Variants in SLC4A7 observed in about 807,000 individuals in gnomAD.
The protein encoded by SLC4A7 is sodium bicarbonate cotransporter 3.
Under a neutral mutation model 137.6 loss-of-function variants are expected in SLC4A7, and 51 were observed. That is an observed-to-expected ratio of 0.37 (90% CI 0.30 to 0.47). The LOEUF is 0.47. SLC4A7 is among the 20% of genes least tolerant of loss of function. SLC4A7 has a pLI of 1.00. For missense variants in SLC4A7, 1,247 were observed against 1,525.4 expected (o/e 0.82, Z 3.04); for synonymous variants, 542 against 518.6 (o/e 1.05, Z -0.61).
At chr3:27,448,518 C>T (rs550976396) in intron 3 of SLC4A7, 133 bp downstream of exon 3, 10 of 610,766 alleles carry the variant, frequency 1.6e-5, no homozygotes, top group East Asian at 1.5e-4. Flanking sequence ...TTCCCCAATA[C>T]AATACATTCC....
rs1157289545 is a variant in SLC4A7, at chr3:27,376,540, GAATA to G, written c.*220_*223del. 3 of 310,414 alleles carry G rather than the reference GAATA, an allele frequency of 9.7e-6. No homozygotes were observed. The highest frequency in any genetic ancestry group is 1.8e-5 in the Non-Finnish European group (3 of 170,922). The allele number at this position is 310,414 out of a possible 1,614,324, so 19.2% of individuals were successfully genotyped here. A position where few individuals can be genotyped will look rare whatever the true frequency, so the allele number is the denominator to read the frequency against. On this transcript the variant is annotated 3_prime_UTR_variant, in exon 26 of 26. Coordinates refer to ENST00000454389, the MANE Select transcript of SLC4A7 (RefSeq NM_001321103.2). ...AAACAGAAAATTTTTTTTTCTAACA[GAATA>G]AATATTTGAATAGTTAAGAACCATG...
At chr3:27,479,165 A>C (rs937745293) in intron 1 of SLC4A7, among the ~76,000 whole-genome samples, 1 of 152,232 alleles carries the variant, frequency 6.6e-6, no homozygotes, top group Non-Finnish European at 1.5e-5. Context: ...CTGTAATCCC[A>C]GCACTTTGGG....
chr3:27,419,960 G>A (rs527884030), intron 10 of SLC4A7, among the ~76,000 whole-genome samples: 6 of 151,968 alleles, frequency 3.9e-5, no homozygotes, highest in East Asian at 3.9e-4. Context: ...AGGCCGAGGC[G>A]GGCAGATCAC....
At chr3:27,417,433 T>C (rs2054502841) in intron 11 of SLC4A7, among the ~76,000 whole-genome samples, 1 of 152,150 alleles carries the variant, frequency 6.6e-6, no homozygotes, top group African/African-American at 2.4e-5. Context: ...ATATTCAACC[T>C]CACTAATTAT....
At chr3:27,480,233 C>T (rs977877345) in intron 1 of SLC4A7, among the ~76,000 whole-genome samples, 6 of 152,136 alleles carry the variant, frequency 3.9e-5, no homozygotes, top group African/African-American at 1.4e-4. Context: ...TGTCCTACAG[C>T]TTTGTTTCAT....
At chr3:27,419,512 T>C (rs1238404423) in intron 10 of SLC4A7, among the ~76,000 whole-genome samples, 1 of 151,258 alleles carries the variant, frequency 6.6e-6, no homozygotes, top group Non-Finnish European at 1.5e-5. Context: ...ATTTTTGTAT[T>C]TTTAGTAGAG....
At chr3:27,395,655 C>T (rs1056958390) in intron 18 of SLC4A7, among the ~76,000 whole-genome samples, 14 of 152,126 alleles carry the variant, frequency 9.2e-5, no homozygotes, top group African/African-American at 3.4e-4. Flanking sequence ...CATATTGCCC[C>T]CATTGATGAC....
chr3:27,443,631 T>C (rs950535061), intron 3 of SLC4A7, among the ~76,000 whole-genome samples: 1 of 152,182 alleles, frequency 6.6e-6, no homozygotes, highest in African/African-American at 2.4e-5. Context: ...TCTGTTCTAA[T>C]ATAAGGATTA....
Position 27,376,683 on chromosome 3 carries a change from C to T in SLC4A7, c.*81G>A. On this transcript the variant is annotated 3_prime_UTR_variant, in exon 26 of 26. Transcript: ENST00000454389. The stretch of plus-strand genomic sequence containing the variant: ...AGTCACACATAAACAGCATGACATA[C>T]AATATTCTTATATATAGTGACATGA... 2 of 864,256 alleles carry T rather than the reference C, an allele frequency of 2.3e-6. No homozygotes were observed. Among genetic ancestry groups the T allele is most frequent in the Non-Finnish European group, 3.7e-6 (2 of 539,604 alleles). The allele number at this position is 864,256 out of a possible 1,614,324, so 53.5% of individuals were successfully genotyped here.
intron 1 of SLC4A7, among the ~76,000 whole-genome samples, chr3:27,479,315 G>A (rs757573269): frequency 1.2e-4 from 18 of 152,074 alleles, no homozygotes; most frequent in Admixed American, 1.3e-4. Flanking sequence ...TCAGGAGGCT[G>A]AGGTGGGAGG....
intron 19 of SLC4A7, 58 bp downstream of exon 19, chr3:27,394,896 C>T (rs2150107122): frequency 4.5e-6 from 7 of 1,542,842 alleles, no homozygotes; most frequent in Middle Eastern, 1.8e-4. Context: ...CTAATCATTA[C>T]AAAAACAGCT....
intron 6 of SLC4A7, among the ~76,000 whole-genome samples, chr3:27,433,648 GA>G (rs547076553): frequency 4.8e-5 from 7 of 146,640 alleles, no homozygotes; most frequent in East Asian, 2.0e-4. Flanking sequence ...ATGTTCAGGA[GA>G]AAAAAAAAAT....
intron 20 of SLC4A7, among the ~76,000 whole-genome samples, chr3:27,392,212 C>T (rs1187776764): frequency 6.6e-6 from 1 of 152,178 alleles, no homozygotes; most frequent in Admixed American, 6.5e-5. Flanking sequence ...CTACCTGCTG[C>T]ACTGAATATT....
chr3:27,458,576 C>G (rs1441649081), intron 1 of SLC4A7, among the ~76,000 whole-genome samples: 1 of 152,144 alleles, frequency 6.6e-6, no homozygotes, highest in African/African-American at 2.4e-5. Flanking sequence ...ATGATATATA[C>G]TTGGCAAATA....
At chr3:27,451,673 T>G (rs1013284895) in intron 2 of SLC4A7, among the ~76,000 whole-genome samples, 1 of 152,122 alleles carries the variant, frequency 6.6e-6, no homozygotes, top group Non-Finnish European at 1.5e-5. Context: ...CTGGATCAAC[T>G]GAATCCTAGA....
chr3:27,430,605 C>CAAA (rs36019447), intron 7 of SLC4A7, among the ~76,000 whole-genome samples: 5 of 96,658 alleles, frequency 5.2e-5, no homozygotes, highest in African/African-American at 8.4e-5. Flanking sequence ...ACCCCGTCTC[C>CAAA]AAAAAAAAAA....
At chr3:27,405,681 T>C (rs879885632) in intron 13 of SLC4A7, among the ~76,000 whole-genome samples, 1 of 152,174 alleles carries the variant, frequency 6.6e-6, no homozygotes, top group Non-Finnish European at 1.5e-5. Flanking sequence ...AGCAAAACTT[T>C]CCACATATTT....
At chr3:27,473,159 T>G (rs1172077709) in intron 1 of SLC4A7, among the ~76,000 whole-genome samples, 1 of 151,462 alleles carries the variant, frequency 6.6e-6, no homozygotes, top group African/African-American at 2.4e-5. Flanking sequence ...CTGGGCATGG[T>G]GTGTGTGTAC....
intron 8 of SLC4A7, among the ~76,000 whole-genome samples, chr3:27,422,038 A>G (rs1340573215): frequency 6.6e-6 from 1 of 152,240 alleles, no homozygotes; most frequent in African/African-American, 2.4e-5. Context: ...AAATTTTTCA[A>G]TGAATACTGC....
Sources: allele counts gnomAD v4.1 joint callset (sites outside exome capture counted in the v4.1 genomes callset), GRCh38; gene constraint gnomAD v4.1.1; transcripts MANE v1.5; gene names NCBI Gene and HGNC (gene_info 2026-07-23, HGNC 2026-07-21).